RNLS: variants seen among roughly 807,000 people sequenced by gnomAD.
RNLS encodes the protein renalase, FAD dependent amine oxidase.
In RNLS, 39 loss-of-function variants were observed where a neutral mutation model predicts 39.8. That is an observed-to-expected ratio of 0.98 (90% CI 0.76 to 1.28). The LOEUF is 1.28. Ranked by LOEUF, RNLS falls within the 50% of genes most tolerant of loss-of-function variation. The pLI is 0.00. For missense variants in RNLS, 410 were observed against 413.3 expected (o/e 0.99, Z 0.07); for synonymous variants, 147 against 150.7 (o/e 0.98, Z 0.18).
chr10:88,511,208 C>A (rs1277448460), intron 4 of RNLS, among the ~76,000 whole-genome samples: 4 of 152,024 alleles, frequency 2.6e-5, no homozygotes, highest in African/African-American at 9.7e-5. Flanking sequence ...GAAACTCAGT[C>A]CTTCATTTCT....
intron 5 of RNLS, among the ~76,000 whole-genome samples, chr10:88,351,552 T>A (rs1211915984): frequency 6.6e-6 from 1 of 152,226 alleles, no homozygotes; most frequent in African/African-American, 2.4e-5. Flanking sequence ...ATGTGTGGTA[T>A]TATTTCTGAG....
chr10:88,490,872 TTTTC>T (rs1307681346), intron 4 of RNLS, among the ~76,000 whole-genome samples: 1 of 152,138 alleles, frequency 6.6e-6, no homozygotes, highest in Non-Finnish European at 1.5e-5. Flanking sequence ...ATCAAAAATA[TTTTC>T]TTTGTTATTG....
chr10:88,351,878 G>T (rs1156256326), intron 5 of RNLS, among the ~76,000 whole-genome samples: 1 of 152,058 alleles, frequency 6.6e-6, no homozygotes, highest in East Asian at 1.9e-4. Flanking sequence ...CTTTTATTTT[G>T]TTGAGTAGTG....
chr10:88,221,543 C>T, the RNLS span, among the ~76,000 whole-genome samples: 1 of 152,208 alleles, frequency 6.6e-6, no homozygotes, highest in Non-Finnish European at 1.5e-5. Flanking sequence ...ATAAAATACA[C>T]TTAACACAAA....
intron 4 of RNLS, among the ~76,000 whole-genome samples, chr10:88,406,269 T>A (rs1853261276): frequency 6.6e-6 from 1 of 152,110 alleles, no homozygotes; most frequent in Non-Finnish European, 1.5e-5. Flanking sequence ...GATGTCTAGG[T>A]GTCTAGCAAG....
chr10:88,182,015 C>T, the RNLS span, among the ~76,000 whole-genome samples: 7 of 152,116 alleles, frequency 4.6e-5, no homozygotes, highest in Admixed American at 2.6e-4. Flanking sequence ...TTGCTTTGCT[C>T]TTCAAACACC....
At chr10:88,187,031 C>G in the RNLS span, among the ~76,000 whole-genome samples, 1 of 151,234 alleles carries the variant, frequency 6.6e-6, no homozygotes, top group South Asian at 2.1e-4. Context: ...TCACAACTGC[C>G]TAATCCGGGT....
chr10:88,535,433 G>T (rs1301896940), intron 4 of RNLS, among the ~76,000 whole-genome samples: 2 of 151,864 alleles, frequency 1.3e-5, no homozygotes, highest in Non-Finnish European at 2.9e-5. Flanking sequence ...GCCAGGTAGT[G>T]GGGGAGGGGT....
At chr10:88,203,364 GTGTGTATATA>G in the RNLS span, among the ~76,000 whole-genome samples, 10,676 of 13,362 alleles carry the variant, frequency 0.8, 4,787 homozygotes, top group Non-Finnish European at 0.87. Context: ...ATACGTATGT[GTGTGTATATA>G]TATATATATA....
At chr10:88,345,211 C>T (rs1848227556) in intron 5 of RNLS, among the ~76,000 whole-genome samples, 2 of 152,068 alleles carry the variant, frequency 1.3e-5, no homozygotes, top group South Asian at 2.1e-4. Flanking sequence ...ATTTATGAAA[C>T]GCAATGAAGT....
intron 4 of RNLS, among the ~76,000 whole-genome samples, chr10:88,462,979 T>G (rs1273803580): frequency 1.3e-5 from 2 of 152,030 alleles, no homozygotes; most frequent in African/African-American, 4.8e-5. Flanking sequence ...TGATAGTAAA[T>G]GATTAAAGTA....
At chr10:88,249,206 C>T in the RNLS span, among the ~76,000 whole-genome samples, 1 of 152,192 alleles carries the variant, frequency 6.6e-6, no homozygotes, top group Non-Finnish European at 1.5e-5. Context: ...GCTGTTTCTC[C>T]CATTTTTAAC....
intron 4 of RNLS, among the ~76,000 whole-genome samples, chr10:88,381,088 A>C (rs1393787556): frequency 1.3e-5 from 2 of 152,174 alleles, no homozygotes; most frequent in Non-Finnish European, 2.9e-5. Context: ...AGTATAGTCT[A>C]ATTTTTCTTC....
chr10:88,362,773 C>A (rs777250490), intron 4 of RNLS, 48 bp from the exon 5 acceptor site: 1 of 1,547,544 alleles, frequency 6.5e-7, no homozygotes, highest in South Asian at 1.2e-5. Flanking sequence ...TACCATCTTT[C>A]CTTTTAGCAC....
At chr10:88,457,574 C>T (rs1290728702) in intron 4 of RNLS, among the ~76,000 whole-genome samples, 1 of 152,220 alleles carries the variant, frequency 6.6e-6, no homozygotes. Flanking sequence ...ATGCAATGCA[C>T]TGTCTCTGGT....
At chr10:88,557,013 C>T (rs1399966101) in intron 4 of RNLS, among the ~76,000 whole-genome samples, 1 of 151,876 alleles carries the variant, frequency 6.6e-6, no homozygotes, top group African/African-American at 2.4e-5. Flanking sequence ...GTGTCTAGAA[C>T]AGTGTCTAGC....
chr10:88,223,137 G>C, the RNLS span, among the ~76,000 whole-genome samples: 1 of 152,216 alleles, frequency 6.6e-6, no homozygotes, highest in African/African-American at 2.4e-5. Context: ...CCTGGGCTGA[G>C]ACTTTCAGTC....
At position 88,485,651 on chromosome 10, in the gene RNLS, A is replaced by G. The variant is rs999400663; in HGVS notation, c.526+87252T>C. ...ATATACAATGAAAAACCAAAAAAAA[A>G]AAAAAAAAACGAATATGAGCCATTT... On this transcript the variant is annotated intron_variant, in intron 4 of 6. Coordinates refer to ENST00000331772, the MANE Select transcript of RNLS (RefSeq NM_001031709.3). Among the ~76,000 whole-genome samples the G allele has an allele frequency of 7.2e-4, 109 of 151,794 alleles. 1 individual carries two copies. Among genetic ancestry groups the G allele is most frequent in the Non-Finnish European group, 1.2e-3 (80 of 67,768 alleles).
At chr10:88,516,135 G>C (rs575264449) in intron 4 of RNLS, among the ~76,000 whole-genome samples, 1 of 152,110 alleles carries the variant, frequency 6.6e-6, no homozygotes, top group East Asian at 1.9e-4. Flanking sequence ...CTCCAGAACC[G>C]TGAGAAAATA....
Sources: gnomAD v4.1 joint callset for allele counts (sites outside exome capture counted in the v4.1 genomes callset) on GRCh38, gnomAD v4.1.1 for gene constraint, MANE v1.5 for transcripts, NCBI Gene and HGNC (gene_info 2026-07-23, HGNC 2026-07-21) for gene names.